UBXN2A: variants seen among roughly 807,000 people sequenced by gnomAD.
UBXN2A encodes the protein UBX domain-containing protein 2A.
UBXN2A carries 28 observed loss-of-function variants against 28.4 expected under a neutral mutation model. That is an observed-to-expected ratio of 0.99 (90% CI 0.73 to 1.35). The LOEUF (loss-of-function observed/expected upper bound fraction) is 1.35. Ranked by LOEUF, UBXN2A falls within the 40% of genes most tolerant of loss-of-function variation. The probability of loss-of-function intolerance (pLI) is 0.00; values close to 1 mark genes in which losing one functional copy is unlikely to be tolerated. For synonymous variants in UBXN2A, 97 were observed against 103.6 expected, an observed-to-expected ratio of 0.94 and a Z score of 0.39; for missense variants, 253 against 297.9, an observed-to-expected ratio of 0.85 and a Z score of 1.11.
chr2:23,935,244 T>G (rs1705488989), intron 1 of UBXN2A, among the ~76,000 whole-genome samples: 1 of 152,182 alleles, frequency 6.6e-6, no homozygotes, highest in Admixed American at 6.6e-5. Context: ...ACTGAAATTT[T>G]AAACTTCTGT....
upstream of UBXN2A, chr2:23,939,793 G>T (rs72796369): frequency 0.18 from 28,170 of 152,408 alleles, 2,693 homozygotes; most frequent in Middle Eastern, 0.26. Context: ...CGGAAGGGCG[G>T]TTGCGTGTAG....
chr2:23,977,253 G>A (rs1004895973), intron 4 of UBXN2A, 178 bp downstream of exon 4: 32 of 423,268 alleles, frequency 7.6e-5, no homozygotes, highest in Middle Eastern at 7.0e-4. Context: ...CTTGCACTTG[G>A]GAGACTGAGG....
chr2:23,984,899 C>A, intron 6 of UBXN2A, 68 bp downstream of exon 6: 1 of 1,472,752 alleles, frequency 6.8e-7, no homozygotes, highest in Non-Finnish European at 9.0e-7. Context: ...CTTTTTGGTT[C>A]AGTCAACAGT....
intron 1 of UBXN2A, among the ~76,000 whole-genome samples, chr2:23,956,298 C>G (rs551996146): frequency 1.3e-5 from 2 of 152,046 alleles, no homozygotes; most frequent in East Asian, 1.9e-4. Flanking sequence ...AATGGGAGCC[C>G]CTTCAGAGTG....
At chr2:23,988,293 A>T (rs1708211091) in intron 6 of UBXN2A, among the ~76,000 whole-genome samples, 1 of 152,172 alleles carries the variant, frequency 6.6e-6, no homozygotes, top group South Asian at 2.1e-4. Context: ...TAACCTTAAT[A>T]CGCTTGTATC....
At chr2:23,957,618 T>C (rs1706690326) in intron 1 of UBXN2A, among the ~76,000 whole-genome samples, 3 of 151,886 alleles carry the variant, frequency 2.0e-5, no homozygotes, top group South Asian at 4.2e-4. Flanking sequence ...GTGGATCACC[T>C]GAGGTTGGGA....
chr2:23,962,763 A>G (rs1054306423), intron 2 of UBXN2A, among the ~76,000 whole-genome samples: 8 of 151,892 alleles, frequency 5.3e-5, no homozygotes, highest in Admixed American at 2.6e-4. Flanking sequence ...GTGCAACCAC[A>G]CCTGGCTAGT....
At chr2:23,940,686 A>AGGGCG (rs1366013168) in intron 1 of UBXN2A, 38 bp downstream of exon 1, 4 of 149,750 alleles carry the variant, frequency 2.7e-5, no homozygotes, top group Admixed American at 2.0e-4. Flanking sequence ...CGGCGGGGTG[A>AGGGCG]GGGCGGGGCG....
At chr2:23,997,005 C>G (rs143271733) in intron 6 of UBXN2A, 1 of 152,174 alleles carries the variant, frequency 6.6e-6, no homozygotes, top group Non-Finnish European at 1.5e-5. Context: ...ACTACAGCCC[C>G]GGAAATCCTG....
At chr2:23,956,317 G>A (rs1015265612) in intron 1 of UBXN2A, among the ~76,000 whole-genome samples, 3 of 151,982 alleles carry the variant, frequency 2.0e-5, no homozygotes, top group African/African-American at 7.2e-5. Context: ...TGCCTTTGGG[G>A]TCACTTTTTC....
chr2:23,999,580 CA>C, intron 6 of UBXN2A, 91 bp from the exon 7 acceptor site: 1 of 1,346,704 alleles, frequency 7.4e-7, no homozygotes. Context: ...CTAATAATAA[CA>C]TATCCAGATA....
intron 1 of UBXN2A, among the ~76,000 whole-genome samples, chr2:23,941,992 A>G (rs899681264): frequency 6.6e-6 from 1 of 152,162 alleles, no homozygotes; most frequent in Admixed American, 6.6e-5. Flanking sequence ...GCAGGAGAAT[A>G]GCTTGAGCCG....
At chr2:23,937,812 T>C (rs1211543641), upstream of UBXN2A, among the ~76,000 whole-genome samples, 4 of 152,212 alleles carry the variant, frequency 2.6e-5, no homozygotes, top group Admixed American at 2.0e-4. Context: ...ATGTGTCGTG[T>C]AAGTGAATTC....
At chr2:23,957,900 T>C (rs1706710247) in intron 1 of UBXN2A, among the ~76,000 whole-genome samples, 1 of 152,154 alleles carries the variant, frequency 6.6e-6, no homozygotes, top group African/African-American at 2.4e-5. Context: ...AGTGCTGGGA[T>C]TACAGGCATG....
chr2:23,929,239 C>T (rs538969784), intron 1 of UBXN2A, among the ~76,000 whole-genome samples: 1 of 152,104 alleles, frequency 6.6e-6, no homozygotes, highest in South Asian at 2.1e-4. Context: ...CCCCCTGCCC[C>T]AGCCTCCCTG....
At position 23,985,236 on chromosome 2, in the gene UBXN2A, C is replaced by T. The variant is rs548927784; in HGVS notation, c.584+405C>T. Among the ~76,000 whole-genome samples the T allele has an allele frequency of 3.3e-5, 5 of 152,122 alleles. No individual in the cohort carries two copies. The South Asian group carries it at 1.0e-3, about 32-fold the overall frequency. On this transcript the variant is annotated intron_variant, in intron 6 of 6. Coordinates refer to ENST00000309033, the MANE Select transcript of UBXN2A (RefSeq NM_181713.4). ...TACAGGCATGAGCCATCGCATCCTGCCAAGCATTTTATTTATTTATTTATT... is the reference window on the plus strand; with the variant it reads ...TACAGGCATGAGCCATCGCATCCTGTCAAGCATTTTATTTATTTATTTATT...
chr2:23,948,005 C>T (rs1008708190), intron 1 of UBXN2A, among the ~76,000 whole-genome samples: 2 of 151,818 alleles, frequency 1.3e-5, no homozygotes, highest in Non-Finnish European at 2.9e-5. Flanking sequence ...CAGGTGCCCA[C>T]CACCATGCAC....
At chr2:23,941,519 A>T (rs1705756959) in intron 1 of UBXN2A, among the ~76,000 whole-genome samples, 2 of 152,214 alleles carry the variant, frequency 1.3e-5, no homozygotes, top group African/African-American at 4.8e-5. Flanking sequence ...TAAGCACACT[A>T]ATGATATGAG....
At chr2:23,943,979 G>A (rs1705904076) in intron 1 of UBXN2A, 2 of 468,244 alleles carry the variant, frequency 4.3e-6, no homozygotes, top group Admixed American at 2.7e-5. Flanking sequence ...TCTGGAATAA[G>A]AACACAGGTT....
Sources: allele counts gnomAD v4.1 joint callset (sites outside exome capture counted in the v4.1 genomes callset), GRCh38; gene constraint gnomAD v4.1.1; transcripts MANE v1.5; gene names NCBI Gene and HGNC (gene_info 2026-07-23, HGNC 2026-07-21).